Variants in EFNA5 observed in about 807,000 individuals in gnomAD.
EFNA5 encodes the protein ephrin A5.
Under a neutral mutation model 22.9 loss-of-function variants are expected in EFNA5, and 5 were observed. The ratio of observed to expected loss-of-function variants is 0.22; its 90% confidence interval spans 0.11 to 0.46. The LOEUF (loss-of-function observed/expected upper bound fraction) is 0.46. Ranked by LOEUF, EFNA5 falls within the 20% of genes least tolerant of loss-of-function variation. The pLI, the probability that EFNA5 is intolerant of heterozygous loss-of-function variation, is 0.99. For missense variants in EFNA5, 237 were observed against 293.3 expected, an observed-to-expected ratio of 0.81 and a Z score of 1.40; for synonymous variants, 113 against 112.2, an observed-to-expected ratio of 1.01 and a Z score of -0.04.
At chr5:107,554,346 C>T (rs895399354) in intron 1 of EFNA5, among the ~76,000 whole-genome samples, 4 of 152,120 alleles carry the variant, frequency 2.6e-5, no homozygotes, top group South Asian at 4.1e-4. Flanking sequence ...ATTAAAGCTT[C>T]GAGCACCTTT....
At chr5:107,584,871 C>T (rs1749144082) in intron 1 of EFNA5, among the ~76,000 whole-genome samples, 1 of 152,186 alleles carries the variant, frequency 6.6e-6, no homozygotes, top group Non-Finnish European at 1.5e-5. Context: ...CCATTGCAGG[C>T]ACTCAGTAAT....
intron 1 of EFNA5, among the ~76,000 whole-genome samples, chr5:107,473,097 C>T (rs1750189158): frequency 6.6e-6 from 1 of 152,110 alleles, no homozygotes; most frequent in Admixed American, 6.5e-5. Context: ...CTGCAAACAA[C>T]TCTGCCCTCT....
intron 1 of EFNA5, among the ~76,000 whole-genome samples, chr5:107,479,147 G>C (rs1750386701): frequency 1.3e-5 from 2 of 152,108 alleles, no homozygotes; most frequent in African/African-American, 4.8e-5. Flanking sequence ...GTTCACACTT[G>C]GTAAGCAGCA....
At chr5:107,669,927 G>A (rs1226734210) in intron 1 of EFNA5, among the ~76,000 whole-genome samples, 1 of 151,188 alleles carries the variant, frequency 6.6e-6, no homozygotes, top group Non-Finnish European at 1.5e-5. Flanking sequence ...CAGTTGAAGA[G>A]GAAAATAAAA....
At chr5:107,447,096 A>G (rs1329263945) in intron 1 of EFNA5, among the ~76,000 whole-genome samples, 5 of 152,160 alleles carry the variant, frequency 3.3e-5, no homozygotes, top group Non-Finnish European at 7.4e-5. Context: ...CAGAGTTAAG[A>G]CCCCTGAGAG....
intron 1 of EFNA5, among the ~76,000 whole-genome samples, chr5:107,569,455 G>C (rs1094192): frequency 8.0e-6 from 1 of 124,794 alleles, no homozygotes; most frequent in Non-Finnish European, 1.6e-5. Context: ...ATATGTGTGT[G>C]TATATATATT....
intron 1 of EFNA5, among the ~76,000 whole-genome samples, chr5:107,630,436 T>C (rs1321981322): frequency 6.6e-6 from 1 of 152,198 alleles, no homozygotes; most frequent in Non-Finnish European, 1.5e-5. Flanking sequence ...TGTGACACAA[T>C]GGTAAATATT....
At chr5:107,568,793 A>G (rs10041017) in intron 1 of EFNA5, among the ~76,000 whole-genome samples, 2 of 152,214 alleles carry the variant, frequency 1.3e-5, no homozygotes, top group Non-Finnish European at 2.9e-5. Context: ...AAAATTTGAT[A>G]CAGAATATCT....
intron 1 of EFNA5, among the ~76,000 whole-genome samples, chr5:107,517,875 T>C (rs1747516035): frequency 6.6e-6 from 1 of 152,236 alleles, no homozygotes; most frequent in Admixed American, 6.5e-5. Flanking sequence ...CGTTTTTGTC[T>C]ACTCAATTGT....
chr5:107,404,652 T>G (rs1358487976), intron 2 of EFNA5, among the ~76,000 whole-genome samples: 1 of 152,168 alleles, frequency 6.6e-6, no homozygotes, highest in African/African-American at 2.4e-5. Context: ...ATAGCTAGTG[T>G]AGGGTGGAAC....
chr5:107,599,201 C>CA (rs1749536409), intron 1 of EFNA5, among the ~76,000 whole-genome samples: 4 of 152,166 alleles, frequency 2.6e-5, no homozygotes, highest in Admixed American at 1.3e-4. Context: ...CAAAATACTG[C>CA]AAACGATCCA....
At chr5:107,639,284 G>A (rs1424807614) in intron 1 of EFNA5, among the ~76,000 whole-genome samples, 2 of 152,148 alleles carry the variant, frequency 1.3e-5, no homozygotes, top group Non-Finnish European at 2.9e-5. Flanking sequence ...TGGTAAATTC[G>A]GTAAGATGAC....
intron 1 of EFNA5, among the ~76,000 whole-genome samples, chr5:107,561,595 C>G (rs767299257): frequency 6.6e-6 from 1 of 152,112 alleles, no homozygotes; most frequent in Non-Finnish European, 1.5e-5. Context: ...GTCTCGAACT[C>G]CTGACCTCGT....
intron 1 of EFNA5, among the ~76,000 whole-genome samples, chr5:107,655,593 T>C (rs560303735): frequency 2.6e-5 from 4 of 152,250 alleles, no homozygotes; most frequent in African/African-American, 7.2e-5. Context: ...GAATTACTTT[T>C]TCCTGGCATA....
chr5:107,490,970 C>G (rs1156814220), intron 1 of EFNA5, among the ~76,000 whole-genome samples: 2 of 152,216 alleles, frequency 1.3e-5, no homozygotes, highest in African/African-American at 4.8e-5. Flanking sequence ...TCTTCAAACT[C>G]AGCTCCTAGA....
chr5:107,570,537 T>G (rs1280331228), intron 1 of EFNA5, among the ~76,000 whole-genome samples: 1 of 152,024 alleles, frequency 6.6e-6, no homozygotes, highest in Non-Finnish European at 1.5e-5. Context: ...TGTGAGCAAT[T>G]ATAGCAACTT....
chr5:107,433,466 C>A (rs1168487963), intron 1 of EFNA5, among the ~76,000 whole-genome samples: 1 of 152,140 alleles, frequency 6.6e-6, no homozygotes, highest in Non-Finnish European at 1.5e-5. Context: ...CTATTGACAG[C>A]AAAAGTAACA....
chr5:107,434,732 G>A (rs765525700), intron 1 of EFNA5, among the ~76,000 whole-genome samples: 1 of 152,182 alleles, frequency 6.6e-6, no homozygotes, highest in Non-Finnish European at 1.5e-5. Context: ...TTAGGAAGCT[G>A]TGAGATACTT....
At chr5:107,401,973 C>T (rs1748098359) in intron 2 of EFNA5, among the ~76,000 whole-genome samples, 1 of 152,294 alleles carries the variant, frequency 6.6e-6, no homozygotes, top group East Asian at 1.9e-4. Flanking sequence ...TCCTTTATAC[C>T]ATCGGCTTTC....
Sources: gnomAD v4.1 joint callset for allele counts (sites outside exome capture counted in the v4.1 genomes callset) on GRCh38, gnomAD v4.1.1 for gene constraint, MANE v1.5 for transcripts, NCBI Gene and HGNC (gene_info 2026-07-23, HGNC 2026-07-21) for gene names.